Variants in TTL observed in about 807,000 individuals in gnomAD.
The protein encoded by TTL is tubulin tyrosine ligase.
TTL carries 10 observed loss-of-function variants against 41.1 expected under a neutral mutation model. The ratio of observed to expected loss-of-function variants is 0.24; its 90% CI spans 0.15 to 0.41. TTL has a LOEUF of 0.41. TTL is among the 10% of genes least tolerant of loss of function. TTL has a pLI of 1.00. For synonymous variants in TTL, 175 were observed against 175.5 expected, an observed-to-expected ratio of 1.00 and a Z score of 0.02; for missense variants, 367 against 460.4, an observed-to-expected ratio of 0.80 and a Z score of 1.86.
intron 6 of TTL, among the ~76,000 whole-genome samples, chr2:112,521,746 G>T (rs558230729): frequency 6.6e-6 from 1 of 152,194 alleles, no homozygotes. Context: ...TACCTTTCGT[G>T]GGGAGAGACT....
intron 6 of TTL, chr2:112,522,564 CTG>C (rs1405532940): frequency 1.3e-5 from 2 of 152,390 alleles, no homozygotes; most frequent in Non-Finnish European, 2.9e-5. Context: ...TGTCTCCTCT[CTG>C]TGTATGTGAT....
At chr2:112,528,367 A>T (rs1244383844) in intron 6 of TTL, among the ~76,000 whole-genome samples, 2 of 152,194 alleles carry the variant, frequency 1.3e-5, no homozygotes, top group Non-Finnish European at 2.9e-5. Context: ...TGGGAGGCCG[A>T]GGTGAGAGGG....
chr2:112,499,995 G>C (rs1412048715), intron 3 of TTL, among the ~76,000 whole-genome samples: 1 of 152,198 alleles, frequency 6.6e-6, no homozygotes, highest in East Asian at 1.9e-4. Flanking sequence ...TCCATCAATT[G>C]ATGACTAAAT....
rs948855082 is a variant in TTL at position 112,482,876 on chromosome 2, G to A, written c.157+375G>A. ...GCCGCGCTGGGCGCGGCTCCGCAGA[G>A]CGGGCGGCTGGAGTCATCTTTTGCA... is the stretch of plus-strand genomic sequence containing the variant. On this transcript the variant is annotated intron_variant, in intron 1 of 6. Coordinates refer to ENST00000233336, the MANE Select transcript of TTL (RefSeq NM_153712.5). The surrounding 1 kb of genome is among the most constrained non-coding windows in gnomAD (Gnocchi z 5.3). Among the ~76,000 whole-genome samples, 2 of 152,200 alleles carry A rather than the reference G, an allele frequency of 1.3e-5. No individual in the cohort carries two copies. Among genetic ancestry groups the A allele is most frequent in the Non-Finnish European group, 2.9e-5 (2 of 68,028 alleles).
intron 1 of TTL, chr2:112,483,877 C>T (rs1027940214): frequency 6.6e-6 from 1 of 152,130 alleles, no homozygotes; most frequent in African/African-American, 2.4e-5. Flanking sequence ...CTGGAGGCTC[C>T]CTTTGGTTAA....
At position 112,529,324 on chromosome 2, in the gene TTL, C is replaced by T; in HGVS notation, c.*529C>T. 1 of 232,230 alleles carries T rather than the reference C, an allele frequency of 4.3e-6. No homozygotes were observed. The highest frequency in any genetic ancestry group is 6.2e-5 in the East Asian group (1 of 16,210). 14.4% of individuals were successfully genotyped at this position (232,230 alleles called of 1,614,324 possible). ...ACTGGCCTCTCGGCAAAGGTGGTTT[C>T]CCTCATCACCTTCCTGATGGTGTTT... On this transcript the variant is annotated 3_prime_UTR_variant, in exon 7 of 7. Transcript: ENST00000233336.
chr2:112,499,856 A>T (rs1415068877), intron 3 of TTL, among the ~76,000 whole-genome samples: 1 of 152,212 alleles, frequency 6.6e-6, no homozygotes, highest in Non-Finnish European at 1.5e-5. Context: ...AAATTAGCCA[A>T]TGTGGTGTCA....
intron 5 of TTL, among the ~76,000 whole-genome samples, chr2:112,507,690 T>G (rs1681827380): frequency 6.8e-6 from 1 of 147,926 alleles, no homozygotes; most frequent in South Asian, 2.2e-4. Flanking sequence ...TCCATCCTTT[T>G]ATTTTGAGCC....
chr2:112,516,840 G>T (rs1574068598), intron 5 of TTL, among the ~76,000 whole-genome samples: 2 of 152,290 alleles, frequency 1.3e-5, no homozygotes, highest in Admixed American at 1.3e-4. Context: ...TAATTACAGG[G>T]CTTGGAGTCC....
At chr2:112,509,510 T>A (rs1681864958) in intron 5 of TTL, among the ~76,000 whole-genome samples, 1 of 152,220 alleles carries the variant, frequency 6.6e-6, no homozygotes. Flanking sequence ...TGGGATATAA[T>A]CTCATGGTGC....
chr2:112,539,510 A>G lies in TTL; in HGVS notation c.*10715A>G, dbSNP rs1682671881. 6.6e-6 allele frequency: 1 copy of G among 152,228 alleles called. No homozygotes were observed. Among genetic ancestry groups the G allele is most frequent in the African/African-American group, 2.4e-5 (1 of 41,452 alleles). The allele number at this position is 152,228 out of a possible 1,614,324, so 9.4% of individuals were successfully genotyped here. A position where few individuals can be genotyped will look rare whatever the true frequency, so the allele number is the denominator to read the frequency against. ...AAACCTTTCAACAAACTAGAAATAA[A>G]TTACTTCCTCAACATGATAAAGAGC... On this transcript the variant is annotated 3_prime_UTR_variant, in exon 7 of 7. Transcript: ENST00000233336.
intron 3 of TTL, among the ~76,000 whole-genome samples, chr2:112,495,345 A>C (rs1357454825): frequency 6.6e-6 from 1 of 152,042 alleles, no homozygotes; most frequent in African/African-American, 2.4e-5. Flanking sequence ...CATCTCTCCT[A>C]TTATTCTGTA....
intron 3 of TTL, among the ~76,000 whole-genome samples, chr2:112,498,819 C>T (rs937846797): frequency 6.6e-5 from 10 of 151,728 alleles, no homozygotes; most frequent in East Asian, 5.9e-4. Flanking sequence ...GCAGAAGAAT[C>T]GCTTGGGCCC....
intron 6 of TTL, chr2:112,521,120 G>A (rs944644227): frequency 1.0e-6 from 1 of 956,086 alleles, no homozygotes; most frequent in Non-Finnish European, 1.2e-6. Flanking sequence ...TGGAGCTGGG[G>A]TGCAAGAAAA....
intron 5 of TTL, among the ~76,000 whole-genome samples, chr2:112,504,027 T>C (rs1459903678): frequency 5.1e-5 from 4 of 77,682 alleles, no homozygotes; most frequent in Non-Finnish European, 1.0e-4. Context: ...TGTGATCTCA[T>C]TGTTCAGTTC....
chr2:112,517,900 T>C lies in TTL; in HGVS notation c.876-2382T>C, dbSNP rs573695152. ...GGTCAAGGCTGACTGCAGTGAGCCA[T>C]GATTGGGCCCCTGCACTCCAGCCTG... On this transcript the variant is annotated intron_variant, in intron 5 of 6. Coordinates refer to ENST00000233336, the MANE Select transcript of TTL (RefSeq NM_153712.5). Among the ~76,000 whole-genome samples the C allele has an allele frequency of 1.3e-3, 193 of 151,220 alleles. 1 individual carries two copies. Among genetic ancestry groups the C allele is most frequent in the Non-Finnish European group, 2.5e-3 (166 of 67,752 alleles).
intron 4 of TTL, among the ~76,000 whole-genome samples, chr2:112,501,959 G>C (rs538861570): frequency 1.2e-4 from 19 of 152,258 alleles, no homozygotes; most frequent in Admixed American, 3.3e-4. Context: ...GGAATAAACT[G>C]AGAGATGTGC....
chr2:112,494,430 T>C lies in TTL; in HGVS notation c.469+55T>C, dbSNP rs572865764. 3.7e-6 allele frequency: 5 copies of C among 1,353,114 alleles called. No individual in the cohort carries two copies. The African/African-American group carries it at 7.2e-5, about 20-fold the overall frequency. 83.8% of individuals were successfully genotyped at this position (1,353,114 alleles called of 1,614,324 possible). On this transcript the variant is annotated intron_variant, in intron 3 of 6. Transcript: ENST00000233336. ...TTCCTGGTAAGTTGCTATTGTGATGTATTTAGATGAATGACCCTATTTTAA... is the reference window on the plus strand; with the variant it reads ...TTCCTGGTAAGTTGCTATTGTGATGCATTTAGATGAATGACCCTATTTTAA...
At chr2:112,527,692 G>C (rs926953794) in intron 6 of TTL, among the ~76,000 whole-genome samples, 2 of 151,788 alleles carry the variant, frequency 1.3e-5, no homozygotes, top group African/African-American at 2.4e-5. Context: ...CTTTTATTTT[G>C]AGCCTATGTG....
Sources: gnomAD v4.1 joint callset for allele counts (sites outside exome capture counted in the v4.1 genomes callset) on GRCh38, gnomAD v4.1.1 for gene constraint, Gnocchi (gnomAD v3.1) non-coding constraint, MANE v1.5 for transcripts, NCBI Gene and HGNC (gene_info 2026-07-23, HGNC 2026-07-21) for gene names.